AP4E1: variants seen among roughly 807,000 people sequenced by gnomAD.
The protein encoded by AP4E1 is adaptor related protein complex 4 subunit epsilon 1, also known as AP-4 complex subunit epsilon-1.
A neutral mutation model predicts 128.2 loss-of-function variants in AP4E1; 56 were observed. That is an observed-to-expected ratio of 0.44 (90% CI 0.35 to 0.55). AP4E1 has a LOEUF of 0.55. AP4E1 is among the 20% of genes least tolerant of loss of function. The pLI is 0.00. For synonymous variants in AP4E1, 484 were observed against 473.1 expected, an observed-to-expected ratio of 1.02 and a Z score of -0.30; for missense variants, 1,324 against 1,307.7, an observed-to-expected ratio of 1.01 and a Z score of -0.19.
chr15:50,985,092 T>C (rs1354582962), intron 16 of AP4E1, among the ~76,000 whole-genome samples: 1 of 152,262 alleles, frequency 6.6e-6, no homozygotes, highest in Non-Finnish European at 1.5e-5. Flanking sequence ...GTGTTTTGGC[T>C]GCATAAATGT....
chr15:50,911,665 A>AT (rs2063568788), intron 1 of AP4E1, among the ~76,000 whole-genome samples: 1 of 99,628 alleles, frequency 1.0e-5, no homozygotes. Context: ...TTTAGTAGGG[A>AT]CGGGGTTTTG....
chr15:50,924,159 T>C (rs1357001237), intron 4 of AP4E1, among the ~76,000 whole-genome samples, 155 bp downstream of exon 4: 1 of 152,166 alleles, frequency 6.6e-6, no homozygotes, highest in East Asian at 1.9e-4. Context: ...ATCTATAAAA[T>C]GGAGTTAAAT....
chr15:50,998,463 C>G lies in AP4E1; in HGVS notation c.2904+580C>G, dbSNP rs536440506. 2.6e-5 allele frequency among the ~76,000 whole-genome samples: 4 copies of G among 152,148 alleles called. No individual in the cohort carries two copies. In the East Asian group the frequency reaches 7.7e-4, roughly 29 times the overall value. ...TGACCAACATGGTGAAGCCCTGTCT[C>G]TACTAAAAATACAAAAATTAGCTGG... is the stretch of plus-strand genomic sequence containing the variant. On this transcript the variant is annotated intron_variant, in intron 18 of 20. Transcript: ENST00000261842.
intron 16 of AP4E1, among the ~76,000 whole-genome samples, chr15:50,990,739 T>A (rs1016931632): frequency 1.2e-4 from 19 of 152,138 alleles, no homozygotes; most frequent in Non-Finnish European, 2.9e-5. Flanking sequence ...TTTGTGTCGA[T>A]CATAAGTATG....
intron 10 of AP4E1, among the ~76,000 whole-genome samples, chr15:50,946,777 C>T (rs1376901596): frequency 6.6e-6 from 1 of 152,188 alleles, no homozygotes; most frequent in African/African-American, 2.4e-5. Flanking sequence ...AAACCTTAAT[C>T]TAGAGCTGTG....
At chr15:50,926,159 A>G (rs2063767327) in intron 5 of AP4E1, among the ~76,000 whole-genome samples, 2 of 151,836 alleles carry the variant, frequency 1.3e-5, no homozygotes, top group South Asian at 4.1e-4. Flanking sequence ...TTTTTTTGAG[A>G]CAGAGTCTCA....
chr15:50,908,590 G>C (rs913626882), upstream of AP4E1: 2 of 669,816 alleles, frequency 3.0e-6, no homozygotes, highest in Non-Finnish European at 4.4e-6. Context: ...CCACCCCCGC[G>C]GTCTCTTGCG....
chr15:50,944,954 A>T (rs1697462349), intron 10 of AP4E1: 1 of 766,182 alleles, frequency 1.3e-6, no homozygotes, highest in East Asian at 2.4e-5. Context: ...ACCTGACTCA[A>T]CAGAAATGTA....
At chr15:50,967,061 C>T (rs2064404326) in intron 14 of AP4E1, among the ~76,000 whole-genome samples, 2 of 152,162 alleles carry the variant, frequency 1.3e-5, no homozygotes, top group South Asian at 4.1e-4. Flanking sequence ...ATTCTTTCTT[C>T]ATCTCTTATC....
intron 10 of AP4E1, chr15:50,945,372 A>G (rs2064044631): frequency 2.6e-6 from 2 of 779,248 alleles, no homozygotes; most frequent in Non-Finnish European, 4.8e-6. Flanking sequence ...AGGTTATATT[A>G]GATATGAGAA....
Position 50,989,025 on chromosome 15 carries a change from A to T in AP4E1, c.2091-4345A>T, listed in dbSNP as rs540501282. On this transcript the variant is annotated intron_variant, in intron 16 of 20. Transcript: ENST00000261842. ...GTAAGTACATAGTACAGCCCAGTTC[A>T]TAGTAAGTGATTGATAAATGGTAGT... Among the ~76,000 whole-genome samples, 3 of 152,224 alleles carry T rather than the reference A, an allele frequency of 2.0e-5. No individual in the cohort carries two copies. In the East Asian group the frequency reaches 5.8e-4, roughly 29 times the overall value.
At position 50,995,980 on chromosome 15, in the gene AP4E1, C is replaced by CTT. The variant is rs1199189475; in HGVS notation, c.2347-1321_2347-1320dup. On this transcript the variant is annotated intron_variant, in intron 17 of 20. Coordinates refer to ENST00000261842, the MANE Select transcript of AP4E1 (RefSeq NM_007347.5). ...CAGTAACAAGCAGTCTAATATACAT[C>CTT]TTTTTTTTTTTTTTTTTTTTTTTTT... Among the ~76,000 whole-genome samples the CTT allele has an allele frequency of 1.2e-3, 106 of 91,804 alleles. 4 individuals are homozygous for CTT. Among genetic ancestry groups the CTT allele is most frequent in the African/African-American group, 3.7e-3 (74 of 19,780 alleles). The allele number at this position is 91,804 out of a possible 152,430, so 60.2% of individuals were successfully genotyped here. A position where few individuals can be genotyped will look rare whatever the true frequency, so the allele number is the denominator to read the frequency against.
At position 50,978,168 on chromosome 15, in the gene AP4E1, T is replaced by C. The variant is rs9888662; in HGVS notation, c.1967-5854T>C. 5.0e-3 allele frequency among the ~76,000 whole-genome samples: 759 copies of C among 152,298 alleles called. 11 individuals are homozygous for C. The highest frequency in any genetic ancestry group is 0.018 in the African/African-American group (736 of 41,566). On this transcript the variant is annotated intron_variant, in intron 15 of 20. Coordinates refer to ENST00000261842, the MANE Select transcript of AP4E1 (RefSeq NM_007347.5). The stretch of plus-strand genomic sequence containing the variant: ...TAAGAATTAGCAAAAATAGGTGAGA[T>C]GGTGGGGAACAAACTTTCTTACAAG...
At chr15:50,915,752 T>C (rs199814285) in intron 3 of AP4E1, 181 bp downstream of exon 3, 28 of 705,806 alleles carry the variant, frequency 4.0e-5, no homozygotes, top group Middle Eastern at 4.2e-4. Context: ...GTTTTCCTGA[T>C]GCATAGCATT....
At chr15:50,939,760 A>G (rs1192667579) in intron 8 of AP4E1, among the ~76,000 whole-genome samples, 1 of 152,174 alleles carries the variant, frequency 6.6e-6, no homozygotes, top group Non-Finnish European at 1.5e-5. Context: ...ATTTAATAGC[A>G]AGAGAGTTCT....
chr15:50,926,840 T>C (rs1165449660), intron 5 of AP4E1, among the ~76,000 whole-genome samples: 1 of 152,190 alleles, frequency 6.6e-6, no homozygotes, highest in East Asian at 1.9e-4. Context: ...TCCACCTGTC[T>C]TGGCCTCCCA....
chr15:50,963,743 T>G (rs1256707783), intron 14 of AP4E1, among the ~76,000 whole-genome samples: 2 of 152,222 alleles, frequency 1.3e-5, no homozygotes, highest in Non-Finnish European at 2.9e-5. Flanking sequence ...ATGATAAATG[T>G]TAGAGGTGAT....
intron 14 of AP4E1, among the ~76,000 whole-genome samples, chr15:50,964,085 A>C (rs2064355368): frequency 6.6e-6 from 1 of 152,208 alleles, no homozygotes; most frequent in Admixed American, 6.5e-5. Context: ...ATTATTTTTC[A>C]ATTAGGTTTT....
At chr15:50,911,986 AGTATT>A in intron 1 of AP4E1, 87 bp from the exon 2 acceptor site, 1 of 966,438 alleles carries the variant, frequency 1.0e-6, no homozygotes, top group Non-Finnish European at 1.6e-6. Flanking sequence ...TTAAATTAAA[AGTATT>A]GTAAATTATA....
Sources: allele counts gnomAD v4.1 joint callset (sites outside exome capture counted in the v4.1 genomes callset), GRCh38; gene constraint gnomAD v4.1.1; transcripts MANE v1.5; gene names NCBI Gene and HGNC (gene_info 2026-07-23, HGNC 2026-07-21).